The following CCSER1 variants were observed in gnomAD, a reference collection of about 807,000 sequenced individuals.
The protein encoded by CCSER1 is coiled-coil serine rich protein 1.
Under a neutral mutation model 82.0 loss-of-function variants are expected in CCSER1, and 41 were observed. The ratio of observed to expected loss-of-function variants is 0.50; its 90% CI spans 0.39 to 0.65. CCSER1 has a LOEUF of 0.65. Ranked by LOEUF, CCSER1 falls within the 30% of genes least tolerant of loss-of-function variation. CCSER1 has a pLI of 0.00. For missense variants in CCSER1, 1,119 were observed against 1,064.2 expected (o/e 1.05, Z -0.72); for synonymous variants, 414 against 383.9 (o/e 1.08, Z -0.92).
At chr4:91,088,312 A>G (rs1723583322) in intron 10 of CCSER1, among the ~76,000 whole-genome samples, 1 of 152,158 alleles carries the variant, frequency 6.6e-6, no homozygotes, top group South Asian at 2.1e-4. Flanking sequence ...AAATATTTAT[A>G]AGAAGATTTA....
intron 9 of CCSER1, among the ~76,000 whole-genome samples, chr4:90,971,912 A>C (rs1581235432): frequency 6.6e-6 from 1 of 151,962 alleles, no homozygotes; most frequent in African/African-American, 2.4e-5. Flanking sequence ...ATCTCAATAA[A>C]TGCAGAAAAA....
chr4:91,199,775 C>G (rs17008003), intron 10 of CCSER1, among the ~76,000 whole-genome samples: 4,576 of 151,554 alleles, frequency 0.03, 232 homozygotes, highest in African/African-American at 0.11. Context: ...TTGTTGCAGA[C>G]AAGAAATCTA....
In CCSER1 at chr4:91,000,039, C is replaced by T. The variant is rs181988913; in HGVS notation, c.2172+76592C>T. Reference sequence around the variant, plus strand: ...CTATCCCAGCACCATTTATTGAATACGGAGTTCTTTCCCCACTGTTTATTT... The same window carrying T: ...CTATCCCAGCACCATTTATTGAATATGGAGTTCTTTCCCCACTGTTTATTT... On this transcript the variant is annotated intron_variant, in intron 9 of 10. Transcript: ENST00000509176. 2.3e-3 allele frequency among the ~76,000 whole-genome samples: 353 copies of T among 151,862 alleles called. 3 individuals carry two copies. Among genetic ancestry groups the T allele is most frequent in the Admixed American group, 0.021 (325 of 15,230 alleles).
chr4:90,764,431 A>G lies in CCSER1; in HGVS notation c.2010+40440A>G, dbSNP rs1750892752. Reference sequence around the variant, plus strand: ...ACATCGTCTTCAATAATAAGACTGAATTTATGGAATGCACAAATAATACTG... The same window carrying G: ...ACATCGTCTTCAATAATAAGACTGAGTTTATGGAATGCACAAATAATACTG... On this transcript the variant is annotated intron_variant, in intron 7 of 10. Transcript: ENST00000509176. 2.0e-5 allele frequency among the ~76,000 whole-genome samples: 3 copies of G among 152,278 alleles called. No individual in the cohort carries two copies. The South Asian group carries it at 6.2e-4, about 32-fold the overall frequency.
chr4:90,749,487 G>C (rs147320797), intron 7 of CCSER1, among the ~76,000 whole-genome samples: 1 of 151,982 alleles, frequency 6.6e-6, no homozygotes, highest in Non-Finnish European at 1.5e-5. Context: ...CTCTAGCTTT[G>C]TTCTTTTGGC....
At chr4:90,300,207 T>C (rs975777992) in intron 1 of CCSER1, among the ~76,000 whole-genome samples, 1 of 152,196 alleles carries the variant, frequency 6.6e-6, no homozygotes, top group African/African-American at 2.4e-5. Flanking sequence ...GTCAGACTAC[T>C]GATCTCACAT....
At chr4:90,884,330 G>A (rs1254423911) in intron 8 of CCSER1, among the ~76,000 whole-genome samples, 1 of 152,086 alleles carries the variant, frequency 6.6e-6, no homozygotes, top group Non-Finnish European at 1.5e-5. Flanking sequence ...TGTAAAAGTA[G>A]CCCCATTTAG....
At chr4:90,732,682 C>A (rs532468588) in intron 7 of CCSER1, among the ~76,000 whole-genome samples, 1 of 152,290 alleles carries the variant, frequency 6.6e-6, no homozygotes, top group African/African-American at 2.4e-5. Flanking sequence ...AGTGGCTAAT[C>A]TTGCAAGTGG....
At chr4:91,489,095 G>A in intron 10 of CCSER1, among the ~76,000 whole-genome samples, 1 of 152,146 alleles carries the variant, frequency 6.6e-6, no homozygotes, top group Admixed American at 6.5e-5. Context: ...GGATACATGG[G>A]GAAATGATGT....
chr4:91,340,544 A>G (rs765044268), intron 10 of CCSER1, among the ~76,000 whole-genome samples: 3 of 152,288 alleles, frequency 2.0e-5, no homozygotes, highest in South Asian at 2.1e-4. Context: ...TTAAGTCTTA[A>G]TAGTGTCAGG....
At chr4:91,577,342 T>G (rs1297973284) in intron 10 of CCSER1, among the ~76,000 whole-genome samples, 1 of 151,838 alleles carries the variant, frequency 6.6e-6, no homozygotes, top group Non-Finnish European at 1.5e-5. Context: ...GGAGAGAAGA[T>G]CAGTGTTTCC....
At chr4:91,120,353 T>C (rs1726979976) in intron 10 of CCSER1, among the ~76,000 whole-genome samples, 1 of 152,024 alleles carries the variant, frequency 6.6e-6, no homozygotes, top group African/African-American at 2.4e-5. Context: ...CGTGGTCTTA[T>C]ATCAGCATCA....
intron 10 of CCSER1, among the ~76,000 whole-genome samples, chr4:91,175,148 G>A (rs564400066): frequency 6.6e-6 from 1 of 152,200 alleles, no homozygotes; most frequent in East Asian, 1.9e-4. Context: ...TAAAGGACAT[G>A]AACTCATCCT....
At chr4:90,822,459 T>C (rs1178013605) in intron 8 of CCSER1, among the ~76,000 whole-genome samples, 1 of 152,196 alleles carries the variant, frequency 6.6e-6, no homozygotes, top group African/African-American at 2.4e-5. Context: ...CTGGGCCTGG[T>C]GACTCACGCC....
intron 5 of CCSER1, among the ~76,000 whole-genome samples, chr4:90,506,858 ATT>A (rs1033071342): frequency 4.9e-4 from 74 of 152,224 alleles, no homozygotes; most frequent in African/African-American, 1.6e-3. Flanking sequence ...TACATTCTAT[ATT>A]TCACTCACAT....
intron 4 of CCSER1, among the ~76,000 whole-genome samples, chr4:90,453,610 G>A (rs1313391807): frequency 6.6e-6 from 1 of 152,102 alleles, no homozygotes; most frequent in African/African-American, 2.4e-5. Flanking sequence ...CTCTACTATG[G>A]GGAGACAAAG....
chr4:91,349,648 G>T (rs2149297998), intron 10 of CCSER1, among the ~76,000 whole-genome samples: 1 of 152,008 alleles, frequency 6.6e-6, no homozygotes. Flanking sequence ...TTGTCTTGAG[G>T]TCAGGCCTTT....
chr4:90,299,368 G>A (rs1412298044), intron 1 of CCSER1, among the ~76,000 whole-genome samples: 1 of 151,958 alleles, frequency 6.6e-6, no homozygotes. Context: ...GCAATTATTT[G>A]TTTTGGTTAT....
intron 9 of CCSER1, among the ~76,000 whole-genome samples, chr4:91,037,711 G>A (rs987590879): frequency 4.6e-5 from 7 of 151,564 alleles, no homozygotes; most frequent in Non-Finnish European, 1.0e-4. Context: ...AGATTTGTGT[G>A]CATATTTAAA....
Sources: allele counts gnomAD v4.1 joint callset (sites outside exome capture counted in the v4.1 genomes callset), GRCh38; gene constraint gnomAD v4.1.1; transcripts MANE v1.5; gene names NCBI Gene and HGNC (gene_info 2026-07-23, HGNC 2026-07-21).